The following TAFA4 variants were observed in gnomAD, a reference collection of about 807,000 sequenced individuals.
TAFA4 encodes TAFA chemokine like family member 4, also known as chemokine-like protein TAFA-4.
Under a neutral mutation model 21.1 loss-of-function variants are expected in TAFA4, and 20 were observed. The ratio of observed to expected loss-of-function variants is 0.95; its 90% CI spans 0.67 to 1.38. The LOEUF (loss-of-function observed/expected upper bound fraction) is 1.38, where lower values mean the gene tolerates loss of function less well. Among genes scored for constraint, TAFA4 ranks in the 40% most tolerant of loss-of-function variants. TAFA4 has a pLI of 0.00. For missense variants in TAFA4, 211 were observed against 180.9 expected, an observed-to-expected ratio of 1.17 and a Z score of -0.95; for synonymous variants, 71 against 67.4, an observed-to-expected ratio of 1.05 and a Z score of -0.26.
chr3:68,808,338 A>T (rs978427495), intron 3 of TAFA4, among the ~76,000 whole-genome samples: 1 of 152,144 alleles, frequency 6.6e-6, no homozygotes, highest in Non-Finnish European at 1.5e-5. Context: ...CTCCTGTCTC[A>T]TGACCTCTCT....
chr3:68,891,826 C>G (rs999253356), intron 1 of TAFA4, among the ~76,000 whole-genome samples: 4 of 152,150 alleles, frequency 2.6e-5, no homozygotes, highest in Non-Finnish European at 5.9e-5. Flanking sequence ...AACCATTCAT[C>G]ATTTCTCTAG....
intron 3 of TAFA4, among the ~76,000 whole-genome samples, chr3:68,818,869 A>G (rs981605576): frequency 6.6e-6 from 1 of 152,262 alleles, no homozygotes; most frequent in South Asian, 2.1e-4. Flanking sequence ...TATTATGAGA[A>G]TTACCCAAAT....
intron 3 of TAFA4, among the ~76,000 whole-genome samples, chr3:68,877,687 C>T (rs1049854840): frequency 6.6e-6 from 1 of 152,176 alleles, no homozygotes; most frequent in Non-Finnish European, 1.5e-5. Context: ...TTCTTCGCCA[C>T]AGTCAGCTTA....
chr3:68,775,902 T>C (rs780792428), intron 3 of TAFA4, among the ~76,000 whole-genome samples: 1 of 151,858 alleles, frequency 6.6e-6, no homozygotes, highest in Non-Finnish European at 1.5e-5. Flanking sequence ...CAATAAAAAA[T>C]GATGAGATTC....
intron 3 of TAFA4, among the ~76,000 whole-genome samples, chr3:68,794,537 C>T (rs1320398414): frequency 6.6e-6 from 1 of 152,160 alleles, no homozygotes; most frequent in Non-Finnish European, 1.5e-5. Context: ...CTCCCCTCTC[C>T]TTAGCACTTT....
intron 3 of TAFA4, among the ~76,000 whole-genome samples, chr3:68,846,722 T>C (rs1349124077): frequency 2.0e-5 from 3 of 152,162 alleles, no homozygotes; most frequent in South Asian, 2.1e-4. Flanking sequence ...GTCCTTTTTG[T>C]TGATGTTGAT....
chr3:68,826,092 G>C (rs1287948852), intron 3 of TAFA4, among the ~76,000 whole-genome samples: 1 of 152,136 alleles, frequency 6.6e-6, no homozygotes, highest in Non-Finnish European at 1.5e-5. Flanking sequence ...AAATTAAAAA[G>C]CACAGAGGCT....
At chr3:68,800,364 A>G (rs1703551034) in intron 3 of TAFA4, among the ~76,000 whole-genome samples, 1 of 152,206 alleles carries the variant, frequency 6.6e-6, no homozygotes, top group Admixed American at 6.5e-5. Flanking sequence ...GTTTGTGATC[A>G]TCTGTTACAA....
At chr3:68,848,039 C>T (rs574486792) in intron 3 of TAFA4, among the ~76,000 whole-genome samples, 17 of 152,354 alleles carry the variant, frequency 1.1e-4, no homozygotes, top group Admixed American at 2.0e-4. Flanking sequence ...ATCCACTTTA[C>T]ATACAATAAT....
intron 1 of TAFA4, among the ~76,000 whole-genome samples, chr3:68,929,496 T>C (rs193262807): frequency 6.6e-6 from 1 of 152,342 alleles, no homozygotes; most frequent in Non-Finnish European, 1.5e-5. Flanking sequence ...ATCTTGCTAA[T>C]CCTGAGTGAT....
At chr3:68,887,110 A>C (rs946009559) in intron 1 of TAFA4, among the ~76,000 whole-genome samples, 1 of 152,234 alleles carries the variant, frequency 6.6e-6, no homozygotes, top group East Asian at 1.9e-4. Flanking sequence ...AATCAAAACA[A>C]GTTATCTACT....
intron 4 of TAFA4, among the ~76,000 whole-genome samples, chr3:68,743,593 AAAGTT>A (rs1232359451): frequency 1.5e-4 from 23 of 151,226 alleles, no homozygotes; most frequent in African/African-American, 3.9e-4. Context: ...AAAAAAAGAA[AAAGTT>A]AAGTTATATT....
Position 68,857,805 on chromosome 3 carries a change from CAAAACAAAAAA to C in TAFA4, c.130+22914_130+22924del, listed in dbSNP as rs1347242366. On this transcript the variant is annotated intron_variant, in intron 3 of 5. Transcript: ENST00000295569. ...AATAGCTTTGGAAACTAACATCATT[CAAAACAAAAAA>C]AAAACAAAAAGAAAAAAAAACAAAG... Among the ~76,000 whole-genome samples, 19 of 123,904 alleles carry C rather than the reference CAAAACAAAAAA, an allele frequency of 1.5e-4. No individual in the cohort carries two copies. In the East Asian group the frequency reaches 4.0e-3, roughly 26 times the overall value. The allele number at this position is 123,904 out of a possible 152,430, so 81.3% of individuals were successfully genotyped here.
At chr3:68,914,555 T>C (rs1415798855) in intron 1 of TAFA4, among the ~76,000 whole-genome samples, 2 of 129,052 alleles carry the variant, frequency 1.5e-5, no homozygotes, top group Non-Finnish European at 3.5e-5. Flanking sequence ...TTTTAAAGTT[T>C]ATTTAAATTG....
intron 3 of TAFA4, among the ~76,000 whole-genome samples, chr3:68,844,988 T>G (rs139944017): frequency 0.011 from 1,658 of 152,330 alleles, 34 homozygotes; most frequent in African/African-American, 0.038. Flanking sequence ...GAAGAATGTG[T>G]ATTCTGCTGA....
chr3:68,739,168 G>A lies in TAFA4; in HGVS notation c.318C>T (p.His106=). The A allele has an allele frequency of 1.2e-6, 2 of 1,613,912 alleles. No individual in the cohort carries two copies. The highest frequency in any genetic ancestry group is 1.7e-6 in the Non-Finnish European group (2 of 1,179,876). ...ASIVIQKWWC[H]MNPCLEGEDC... is the part of the protein sequence containing the mutation. ...CCTCTCCTTCCAAACACGGATTCATGTGACACCACCATTTCTGAATCACAA... is the reference window on the plus strand; with the variant it reads ...CCTCTCCTTCCAAACACGGATTCATATGACACCACCATTTCTGAATCACAA... The change falls in exon 5 of 6, where the codon CAC becomes CAT. Residue 106 remains histidine (H), a synonymous_variant. Transcript: ENST00000295569.
chr3:68,751,548 C>T lies in TAFA4; in HGVS notation c.286+1315G>A, dbSNP rs935755057. Among the ~76,000 whole-genome samples the T allele has an allele frequency of 3.9e-5, 6 of 152,186 alleles. No individual in the cohort carries two copies. The South Asian group carries it at 6.2e-4, about 16-fold the overall frequency. ...GGAGATATACAGACTCAGCATATTTCTTTTAAATGCCATTTTTTAAATGTT... is the reference window on the plus strand; with the variant it reads ...GGAGATATACAGACTCAGCATATTTTTTTTAAATGCCATTTTTTAAATGTT... On this transcript the variant is annotated intron_variant, in intron 4 of 5. Coordinates refer to ENST00000295569, the MANE Select transcript of TAFA4 (RefSeq NM_182522.5).
intron 3 of TAFA4, among the ~76,000 whole-genome samples, chr3:68,834,655 C>T (rs1034501264): frequency 2.6e-5 from 4 of 152,014 alleles, no homozygotes; most frequent in Non-Finnish European, 4.4e-5. Context: ...TCCCATACAC[C>T]TCCTCATCTC....
At chr3:68,844,887 T>C (rs1281985611) in intron 3 of TAFA4, among the ~76,000 whole-genome samples, 1 of 152,228 alleles carries the variant, frequency 6.6e-6, no homozygotes, top group Non-Finnish European at 1.5e-5. Context: ...GAGAGAATGT[T>C]TGTTATGATT....
Sources: allele counts gnomAD v4.1 joint callset (sites outside exome capture counted in the v4.1 genomes callset), GRCh38; gene constraint gnomAD v4.1.1; transcripts MANE v1.5; gene names NCBI Gene and HGNC (gene_info 2026-07-23, HGNC 2026-07-21).